BIRC6: variants seen among roughly 807,000 people sequenced by gnomAD.
BIRC6 encodes baculoviral IAP repeat containing 6, also known as dual E2 ubiquitin-conjugating enzyme/E3 ubiquitin-protein ligase BIRC6.
BIRC6 carries 98 observed loss-of-function variants against 503.3 expected under a neutral mutation model. That is an observed-to-expected ratio of 0.19 (90% CI 0.17 to 0.23). BIRC6 has a LOEUF of 0.23. Among genes scored for constraint, BIRC6 ranks in the 10% least tolerant of loss-of-function variants. BIRC6 has a pLI of 1.00. For missense variants in BIRC6, 5,360 were observed against 5,806.0 expected (o/e 0.92, Z 2.50); for synonymous variants, 2,240 against 2,078.7 (o/e 1.08, Z -2.11).
intron 65 of BIRC6, chr2:32,558,830 CTG>C (rs1478085070): frequency 6.6e-6 from 1 of 152,184 alleles, no homozygotes; most frequent in African/African-American, 2.4e-5. Flanking sequence ...TGTTAGTAAT[CTG>C]TGGTAAATTT....
chr2:32,435,051 T>G (rs1489194385), intron 13 of BIRC6, among the ~76,000 whole-genome samples: 1 of 152,164 alleles, frequency 6.6e-6, no homozygotes, highest in Admixed American at 6.5e-5. Flanking sequence ...CCACAGATAC[T>G]GAGGGATGGA....
chr2:32,476,704 A>G (rs2049805533), intron 34 of BIRC6, among the ~76,000 whole-genome samples: 1 of 152,184 alleles, frequency 6.6e-6, no homozygotes, highest in South Asian at 2.1e-4. Context: ...AATAAAATGT[A>G]TATGTAAAGT....
intron 63 of BIRC6, among the ~76,000 whole-genome samples, chr2:32,546,766 A>T (rs908496613): frequency 4.6e-5 from 7 of 152,154 alleles, no homozygotes; most frequent in Non-Finnish European, 1.0e-4. Context: ...AAATCTGAAA[A>T]ATATGTATAA....
intron 55 of BIRC6, among the ~76,000 whole-genome samples, chr2:32,516,894 G>A (rs982971014): frequency 1.6e-4 from 25 of 152,068 alleles, no homozygotes; most frequent in Non-Finnish European, 3.7e-4. Flanking sequence ...ACCTAGCATA[G>A]AGCCTATATG....
chr2:32,567,035 A>C (rs1307497189), intron 65 of BIRC6, among the ~76,000 whole-genome samples: 1 of 152,174 alleles, frequency 6.6e-6, no homozygotes, highest in Non-Finnish European at 1.5e-5. Context: ...CAGTGGCATG[A>C]TCTTGGCTCA....
rs138437601 is a variant in BIRC6 at position 32,532,134 on chromosome 2, CGT to C, written c.12291+619_12291+620del. The C allele has an allele frequency of 7.0e-4, 313 of 449,740 alleles. 1 individual carries two copies. The highest frequency in any genetic ancestry group is 2.0e-3 in the African/African-American group (86 of 42,914). The allele number at this position is 449,740 out of a possible 1,614,324, so 27.9% of individuals were successfully genotyped here. ...GGAATTATTCTCTTTGATTTCATGT[CGT>C]GTGTGTGTGTGTGTGTGTGTGTGTG... On this transcript the variant is annotated intron_variant, in intron 61 of 73. Transcript: ENST00000421745.
At position 32,412,018 on chromosome 2, in the gene BIRC6, A is replaced by G. The variant is rs114847645; in HGVS notation, c.1478-2751A>G. The stretch of plus-strand genomic sequence containing the variant: ...TGGTCTTGAACGGAACTCCTAATCT[A>G]AAAGGATCCTTCCACCTCAGCCTCC... On this transcript the variant is annotated intron_variant, in intron 9 of 73. Transcript: ENST00000421745. Among the ~76,000 whole-genome samples the G allele has an allele frequency of 7.0e-3, 1,068 of 152,042 alleles. 18 individuals are homozygous for G. The highest frequency in any genetic ancestry group is 0.025 in the African/African-American group (1,042 of 41,466).
At chr2:32,440,403 A>G (rs145636166) in intron 16 of BIRC6, among the ~76,000 whole-genome samples, 3 of 152,198 alleles carry the variant, frequency 2.0e-5, no homozygotes, top group Non-Finnish European at 2.9e-5. Flanking sequence ...GACAGGTTCT[A>G]ATCCTCATGG....
Position 32,479,521 on chromosome 2 carries a change from G to A in BIRC6, c.7312G>A (p.Val2438Ile). 1 of 1,605,786 alleles carries A rather than the reference G, an allele frequency of 6.2e-7. No individual in the cohort carries two copies. Among genetic ancestry groups the A allele is most frequent in the Non-Finnish European group, 8.5e-7 (1 of 1,175,820 alleles). Residue 2438 changes from valine (V) to isoleucine (I), a missense_variant, in exon 37 of 74, where the codon GTA becomes ATA. This residue lies in a region of BIRC6 where 2,299 missense variants were observed against 2,267.2 expected (regional missense o/e 1.01). Transcript: ENST00000421745. The stretch of plus-strand genomic sequence containing the variant: ...GGAGGAAGGAACAGTGGGTGATGAT[G>A]TAGGTGCGACAGCTGGTGACTCTGA... ...AMEEGTVGDD[V>I]GATAGDSDDS...
chr2:32,583,482 G>A (rs567501094), intron 66 of BIRC6, among the ~76,000 whole-genome samples: 2 of 152,136 alleles, frequency 1.3e-5, no homozygotes, highest in Non-Finnish European at 2.9e-5. Flanking sequence ...TTGAATTAAG[G>A]CCATTTCTGA....
chr2:32,510,640 A>T lies in BIRC6; in HGVS notation c.10346+6A>T, dbSNP rs1480044499. The T allele has an allele frequency of 6.5e-7, 1 of 1,544,150 alleles. No individual in the cohort carries two copies. Among genetic ancestry groups the T allele is most frequent in the Non-Finnish European group, 8.9e-7 (1 of 1,118,164 alleles). ...GATCCTGGTACAAAAGACAGGTACG[A>T]TTTTATTTTTCATTTAATTAAGCAC... On this transcript the variant is annotated splice_donor_region_variant and intron_variant, in intron 53 of 73. Transcript: ENST00000421745.
In BIRC6 at chr2:32,357,534, G is replaced by GTC; in HGVS notation, c.325+49_325+50dup. ...GGGCGCGAAGCCGGGGAAAGAAGCC[G>GTC]TCCAGCCCCGGGGCTCGGCCTCGCG... On this transcript the variant is annotated intron_variant, in intron 1 of 73. Transcript: ENST00000421745. The surrounding 1 kb of genome is among the most constrained non-coding windows in gnomAD (Gnocchi z 4.9). 1 of 1,521,760 alleles carries GTC rather than the reference G, an allele frequency of 6.6e-7. No individual in the cohort carries two copies. The highest frequency in any genetic ancestry group is 8.8e-7 in the Non-Finnish European group (1 of 1,136,682). 94.3% of individuals were successfully genotyped at this position (1,521,760 alleles called of 1,614,324 possible).
intron 23 of BIRC6, among the ~76,000 whole-genome samples, chr2:32,456,555 G>A (rs2047286713): frequency 6.6e-6 from 1 of 152,176 alleles, no homozygotes; most frequent in Non-Finnish European, 1.5e-5. Context: ...CAGTAAGTAA[G>A]TAACCTTTTT....
chr2:32,407,470 T>A (rs176399), intron 9 of BIRC6, among the ~76,000 whole-genome samples: 148,183 of 148,426 alleles, frequency 1, 73,970 homozygotes, highest in Middle Eastern at 1. Flanking sequence ...AAAAAAAAGA[T>A]TTAGATAAGA....
chr2:32,489,978 G>T (rs910079937), intron 42 of BIRC6, 63 bp from the exon 43 acceptor site: 10 of 1,126,726 alleles, frequency 8.9e-6, no homozygotes, highest in South Asian at 1.3e-5. Flanking sequence ...TTATTCTTTT[G>T]ACTTAGTTCT....
intron 23 of BIRC6, 77 bp downstream of exon 23, chr2:32,454,019 T>A: frequency 1.7e-6 from 2 of 1,145,730 alleles, no homozygotes; most frequent in Non-Finnish European, 1.2e-6. Context: ...ATTTAAACAT[T>A]ATTTCTAATT....
rs775940631 is a variant in BIRC6, at chr2:32,436,139, G to T, written c.3586G>T (p.Gly1196Trp). ...GCTTGCTAGTGGCCTTGATCTATCA[G>T]GGCATGCTGGAATGTTGACGTTAAC... Reference protein sequence around the residue: ...VWLASGLDLSGHAGMLTLTSP... With the variant: ...VWLASGLDLSWHAGMLTLTSP... Residue 1196 changes from glycine (G) to tryptophan (W), a missense_variant, in exon 15 of 74, where the codon GGG becomes TGG. Transcript: ENST00000421745. The T allele has an allele frequency of 6.7e-7, 1 of 1,484,824 alleles. No homozygotes were observed. Among genetic ancestry groups the T allele is most frequent in the Non-Finnish European group, 9.1e-7 (1 of 1,102,306 alleles). The allele number at this position is 1,484,824 out of a possible 1,614,324, so 92.0% of individuals were successfully genotyped here.
chr2:32,538,101 T>C (rs2057380190), intron 61 of BIRC6, among the ~76,000 whole-genome samples: 1 of 152,252 alleles, frequency 6.6e-6, no homozygotes, highest in Admixed American at 6.5e-5. Flanking sequence ...ACTGCTTTTT[T>C]CTGGGGGTAT....
At chr2:32,609,046 AT>A (rs201128071) in intron 72 of BIRC6, among the ~76,000 whole-genome samples, 2,521 of 150,466 alleles carry the variant, frequency 0.017, 54 homozygotes, top group African/African-American at 0.059. Flanking sequence ...CAACTGGCTA[AT>A]TTTTTTTGTA....
Sources: allele counts gnomAD v4.1 joint callset (sites outside exome capture counted in the v4.1 genomes callset), GRCh38; gene constraint gnomAD v4.1.1; regional missense constraint gnomAD v4.1.1; non-coding constraint Gnocchi (gnomAD v3.1); transcripts MANE v1.5; gene names NCBI Gene and HGNC (gene_info 2026-07-23, HGNC 2026-07-21).